Variants in FER observed in about 807,000 individuals in gnomAD.
FER encodes FER tyrosine kinase.
Under a neutral mutation model 111.0 loss-of-function variants are expected in FER, and 63 were observed. That is an observed-to-expected ratio of 0.57 (90% CI 0.46 to 0.70). FER has a LOEUF of 0.70. FER is among the 30% of genes least tolerant of loss of function. The probability of loss-of-function intolerance (pLI) is 0.00; values close to 1 mark genes in which losing one functional copy is unlikely to be tolerated. For missense variants in FER, 914 were observed against 954.0 expected (o/e 0.96, Z 0.55); for synonymous variants, 327 against 313.9 (o/e 1.04, Z -0.44).
chr5:109,091,501 C>T (rs560086479), intron 16 of FER, among the ~76,000 whole-genome samples: 6 of 152,296 alleles, frequency 3.9e-5, no homozygotes, highest in East Asian at 3.9e-4. Context: ...ATAACTGCCG[C>T]GGGCAAAGAG....
At chr5:108,939,093 AC>A in intron 10 of FER, among the ~76,000 whole-genome samples, 1 of 152,144 alleles carries the variant, frequency 6.6e-6, no homozygotes, top group East Asian at 1.9e-4. Flanking sequence ...GGCCATTTAA[AC>A]TAGGGTTTTT....
intron 5 of FER, among the ~76,000 whole-genome samples, chr5:108,838,987 A>G (rs1179449787): frequency 6.6e-6 from 1 of 152,174 alleles, no homozygotes; most frequent in Non-Finnish European, 1.5e-5. Context: ...GCTGAAGTTA[A>G]TAACTTGGAG....
chr5:108,752,743 T>C (rs11240983), intron 1 of FER, among the ~76,000 whole-genome samples: 21,039 of 152,054 alleles, frequency 0.14, 1,644 homozygotes, highest in Non-Finnish European at 0.19. Flanking sequence ...TTTTGGAGGA[T>C]ATTACATAAT....
intron 16 of FER, among the ~76,000 whole-genome samples, chr5:109,086,495 CT>C (rs569622225): frequency 5.9e-5 from 9 of 151,358 alleles, no homozygotes; most frequent in Middle Eastern, 3.4e-3. Flanking sequence ...CAACTTTTAG[CT>C]TTTTTTTATA....
chr5:108,783,900 TTCCTGAGATTGGATA>T (rs1754372682), intron 2 of FER, among the ~76,000 whole-genome samples: 1 of 152,174 alleles, frequency 6.6e-6, no homozygotes, highest in African/African-American at 2.4e-5. Context: ...AACAAGAGGC[TTCCTGAGATTGGATA>T]TCTAGCAAAA....
chr5:109,124,907 G>T (rs1000001532), intron 17 of FER, among the ~76,000 whole-genome samples: 3 of 151,674 alleles, frequency 2.0e-5, no homozygotes, highest in Non-Finnish European at 4.4e-5. Context: ...TTAGCCAGGC[G>T]TAGTGGCGGG....
intron 16 of FER, among the ~76,000 whole-genome samples, chr5:109,072,121 A>T (rs1389620157): frequency 1.3e-5 from 2 of 151,796 alleles, no homozygotes; most frequent in African/African-American, 2.4e-5. Context: ...AATAATTTGG[A>T]TATAACTAAC....
At chr5:108,809,227 C>T (rs1317219237) in intron 3 of FER, among the ~76,000 whole-genome samples, 3 of 152,148 alleles carry the variant, frequency 2.0e-5, no homozygotes, top group Non-Finnish European at 2.9e-5. Context: ...TCAGGAATGA[C>T]GTAACTTGTA....
intron 17 of FER, among the ~76,000 whole-genome samples, chr5:109,112,717 T>C (rs527269570): frequency 1.1e-4 from 16 of 152,324 alleles, no homozygotes; most frequent in African/African-American, 3.6e-4. Flanking sequence ...TTAGCTTTTT[T>C]CCCATTATCT....
chr5:109,100,819 T>C (rs1748134082), intron 17 of FER, among the ~76,000 whole-genome samples: 2 of 151,910 alleles, frequency 1.3e-5, no homozygotes, highest in South Asian at 4.1e-4. Flanking sequence ...TATAAGAAAC[T>C]ACAGCCTTAT....
chr5:108,847,278 G>T (rs1363207285), intron 5 of FER, among the ~76,000 whole-genome samples: 1 of 151,166 alleles, frequency 6.6e-6, no homozygotes, highest in African/African-American at 2.4e-5. Flanking sequence ...TGATTCATAG[G>T]TTATTTAGAA....
intron 3 of FER, among the ~76,000 whole-genome samples, chr5:108,831,946 A>G (rs954275676): frequency 3.9e-5 from 6 of 152,124 alleles, no homozygotes; most frequent in African/African-American, 1.2e-4. Context: ...ATTGAATACT[A>G]TAGCGAAGAG....
chr5:108,950,245 C>G lies in FER; in HGVS notation c.1329+4023C>G, dbSNP rs536812208. Among the ~76,000 whole-genome samples the G allele has an allele frequency of 4.6e-5, 7 of 152,168 alleles. No individual in the cohort carries two copies. The South Asian group carries it at 8.3e-4, about 18-fold the overall frequency. ...TACAAGTTTTAGAAAGAATTGTGTA[C>G]TAATGCTTATCTCTGATTAACATGT... On this transcript the variant is annotated intron_variant, in intron 11 of 19. Coordinates refer to ENST00000281092, the MANE Select transcript of FER (RefSeq NM_005246.4).
At chr5:109,036,926 A>C (rs752588319) in intron 13 of FER, among the ~76,000 whole-genome samples, 4 of 152,054 alleles carry the variant, frequency 2.6e-5, no homozygotes, top group Non-Finnish European at 4.4e-5. Flanking sequence ...TACTTGGGAA[A>C]GATATGGGAC....
chr5:108,907,217 C>A (rs998551935), intron 10 of FER, among the ~76,000 whole-genome samples: 1 of 151,934 alleles, frequency 6.6e-6, no homozygotes, highest in African/African-American at 2.4e-5. Flanking sequence ...TTCCTTTTTC[C>A]CTCTTTTTTT....
At chr5:109,064,055 T>A (rs1774784337) in intron 16 of FER, among the ~76,000 whole-genome samples, 1 of 152,208 alleles carries the variant, frequency 6.6e-6, no homozygotes, top group African/African-American at 2.4e-5. Context: ...GATAGCAATT[T>A]TAAATTGATA....
intron 13 of FER, among the ~76,000 whole-genome samples, chr5:109,008,351 C>A (rs981380375): frequency 6.6e-6 from 1 of 152,160 alleles, no homozygotes; most frequent in African/African-American, 2.4e-5. Context: ...CTATTTCCAA[C>A]CTTTACCATT....
At position 108,879,702 on chromosome 5, in the gene FER, ATAT is replaced by A. The variant is rs1190296537; in HGVS notation, c.924-3693_924-3691del. On this transcript the variant is annotated intron_variant, in intron 8 of 19. Coordinates refer to ENST00000281092, the MANE Select transcript of FER (RefSeq NM_005246.4). Reference sequence around the variant, plus strand: ...TGTATTTTTTTTAGATTAAAAAAAAATATATATATATATATATATATATTTGAG... The same window carrying A: ...TGTATTTTTTTTAGATTAAAAAAAAAATATATATATATATATATATTTGAG... 3.3e-5 allele frequency among the ~76,000 whole-genome samples: 3 copies of A among 91,006 alleles called. 1 individual carries two copies. The highest frequency in any genetic ancestry group is 2.3e-4 in the African/African-American group (3 of 12,984). The allele number at this position is 91,006 out of a possible 152,430, so 59.7% of individuals were successfully genotyped here.
intron 13 of FER, among the ~76,000 whole-genome samples, chr5:108,995,741 C>A (rs1183084749): frequency 1.3e-5 from 2 of 152,122 alleles, no homozygotes; most frequent in Non-Finnish European, 2.9e-5. Context: ...GTGCATGTGT[C>A]TTTATAGTAG....
Sources: gnomAD v4.1 joint callset for allele counts (sites outside exome capture counted in the v4.1 genomes callset) on GRCh38, gnomAD v4.1.1 for gene constraint, MANE v1.5 for transcripts, NCBI Gene and HGNC (gene_info 2026-07-23, HGNC 2026-07-21) for gene names.